The following MAP2 variants were observed in gnomAD, a reference collection of about 807,000 sequenced individuals.
The protein encoded by MAP2 is microtubule-associated protein 2.
In MAP2, 14 loss-of-function variants were observed where a neutral mutation model predicts 137.6. That is an observed-to-expected ratio of 0.10 (90% confidence interval 0.07 to 0.16). The LOEUF is 0.16. Among genes scored for constraint, MAP2 ranks in the 10% least tolerant of loss-of-function variants. The pLI is 1.00. For missense variants in MAP2, 2,088 were observed against 2,191.5 expected, an observed-to-expected ratio of 0.95 and a Z score of 0.94; for synonymous variants, 786 against 782.3, an observed-to-expected ratio of 1.00 and a Z score of -0.08.
At chr2:209,665,505 C>A (rs1168968901) in intron 5 of MAP2, among the ~76,000 whole-genome samples, 1 of 152,184 alleles carries the variant, frequency 6.6e-6, no homozygotes, top group Non-Finnish European at 1.5e-5. Flanking sequence ...AAGTAAATCT[C>A]ATTTCTGACA....
chr2:209,729,987 T>A (rs1559685914), intron 15 of MAP2, 25 bp downstream of exon 15: 1 of 1,389,788 alleles, frequency 7.2e-7, no homozygotes, highest in Non-Finnish European at 9.6e-7. Context: ...TATGAGCCAA[T>A]CTTGTCTTTT....
chr2:209,655,234 A>G (rs1317852717), intron 5 of MAP2, among the ~76,000 whole-genome samples: 3 of 152,234 alleles, frequency 2.0e-5, no homozygotes, highest in East Asian at 1.9e-4. Context: ...TATCAAACAC[A>G]TTTGGTATTA....
At chr2:209,451,732 A>G (rs993670091) in intron 1 of MAP2, among the ~76,000 whole-genome samples, 1 of 152,186 alleles carries the variant, frequency 6.6e-6, no homozygotes, top group Non-Finnish European at 1.5e-5. Flanking sequence ...TGCTGGGTGT[A>G]TGTAGGCACA....
chr2:209,620,782 C>T (rs796479394), intron 3 of MAP2, among the ~76,000 whole-genome samples: 5 of 152,166 alleles, frequency 3.3e-5, no homozygotes, highest in East Asian at 3.9e-4. Context: ...ACATGAATTG[C>T]TCAAAATCTT....
At chr2:209,583,310 A>G (rs1315943111) in intron 3 of MAP2, among the ~76,000 whole-genome samples, 2 of 152,102 alleles carry the variant, frequency 1.3e-5, no homozygotes, top group Non-Finnish European at 2.9e-5. Context: ...TTCTTCAAGG[A>G]TGAATGTCAA....
At chr2:209,625,579 G>A (rs2092157323) in intron 4 of MAP2, among the ~76,000 whole-genome samples, 1 of 152,170 alleles carries the variant, frequency 6.6e-6, no homozygotes, top group African/African-American at 2.4e-5. Flanking sequence ...GAAGCAGGTG[G>A]ATGCAGGGAT....
intron 2 of MAP2, among the ~76,000 whole-genome samples, chr2:209,563,212 A>T (rs898747484): frequency 6.6e-6 from 1 of 152,166 alleles, no homozygotes; most frequent in African/African-American, 2.4e-5. Context: ...ACCTGAATTC[A>T]TATCCAGTGG....
chr2:209,683,033 T>G lies in MAP2; in HGVS notation c.454+2206T>G, dbSNP rs1583318857. On this transcript the variant is annotated intron_variant, in intron 7 of 15. Transcript: ENST00000682079. ...GGCTTGAGGTCAAGTCATTTAATCT[T>G]CTTACTCTATATGGGATTTGGAACA... 3.9e-5 allele frequency among the ~76,000 whole-genome samples: 6 copies of G among 152,316 alleles called. No individual in the cohort carries two copies. In the South Asian group the frequency reaches 1.2e-3, roughly 32 times the overall value.
chr2:209,596,962 T>C (rs887855950), intron 3 of MAP2, among the ~76,000 whole-genome samples: 2 of 152,176 alleles, frequency 1.3e-5, no homozygotes, highest in African/African-American at 4.8e-5. Context: ...TCATGGGTAG[T>C]TGGCCATTCA....
intron 3 of MAP2, among the ~76,000 whole-genome samples, chr2:209,582,657 TGATAGATAGATAGATAGATAGATA>T (rs66881504): frequency 2.7e-4 from 40 of 149,752 alleles, no homozygotes; most frequent in Non-Finnish European, 4.6e-4. Flanking sequence ...GATAGATAGA[TGATAGATAGATAGATAGATAGATA>T]GATAGATAGA....
chr2:209,597,936 T>C (rs2081757481), intron 3 of MAP2, among the ~76,000 whole-genome samples: 1 of 152,094 alleles, frequency 6.6e-6, no homozygotes, highest in South Asian at 2.1e-4. Flanking sequence ...TCACTTATAT[T>C]TATCAGATTA....
chr2:209,510,686 G>C, intron 2 of MAP2, among the ~76,000 whole-genome samples: 1 of 152,154 alleles, frequency 6.6e-6, no homozygotes, highest in East Asian at 1.9e-4. Flanking sequence ...ATAGGAAACA[G>C]ATGCTTGTAA....
chr2:209,593,128 T>A (rs2079734573), intron 3 of MAP2, among the ~76,000 whole-genome samples: 1 of 152,090 alleles, frequency 6.6e-6, no homozygotes, highest in South Asian at 2.1e-4. Flanking sequence ...TTCTGATTGA[T>A]ACTTTTCCAT....
intron 11 of MAP2, 31 bp downstream of exon 11, chr2:209,700,369 A>T: frequency 6.5e-7 from 1 of 1,541,536 alleles, no homozygotes; most frequent in African/African-American, 1.4e-5. Flanking sequence ...CTTGTTCTTC[A>T]TTTGAAGTTC....
chr2:209,729,201 C>G (rs1463684871), intron 14 of MAP2, among the ~76,000 whole-genome samples: 2 of 152,152 alleles, frequency 1.3e-5, no homozygotes, highest in African/African-American at 4.8e-5. Context: ...ATTATCAGAT[C>G]AAGGTCAGCG....
chr2:209,688,423 G>T (rs901701063), intron 7 of MAP2, among the ~76,000 whole-genome samples: 3 of 152,034 alleles, frequency 2.0e-5, no homozygotes, highest in Non-Finnish European at 4.4e-5. Flanking sequence ...TCTTTTTAGT[G>T]CTATATTAAT....
chr2:209,442,354 G>C (rs1037090260), intron 1 of MAP2, among the ~76,000 whole-genome samples: 1 of 151,518 alleles, frequency 6.6e-6, no homozygotes, highest in Non-Finnish European at 1.5e-5. Context: ...GGGGGGTCTA[G>C]GGGCCCCCAA....
In MAP2 at chr2:209,497,018, A is replaced by C. The variant is rs576368060; in HGVS notation, c.-221-10574A>C. 4.6e-4 allele frequency among the ~76,000 whole-genome samples: 70 copies of C among 152,242 alleles called. 4 individuals carry two copies. The South Asian group carries it at 0.014, about 31-fold the overall frequency. ...TGCTGGTTTCAAACTCCTGGCCTCAAGCAGTCTTCTGCCTTGGTCTCCCAA... is the reference window on the plus strand; with the variant it reads ...TGCTGGTTTCAAACTCCTGGCCTCACGCAGTCTTCTGCCTTGGTCTCCCAA... On this transcript the variant is annotated intron_variant, in intron 1 of 15. Coordinates refer to ENST00000682079, the MANE Select transcript of MAP2 (RefSeq NM_001375505.1).
intron 13 of MAP2, among the ~76,000 whole-genome samples, chr2:209,711,829 T>C (rs1227616251): frequency 6.6e-6 from 1 of 152,134 alleles, no homozygotes; most frequent in African/African-American, 2.4e-5. Context: ...GAATAACTAT[T>C]ATGTATATTT....
Sources: gnomAD v4.1 joint callset for allele counts (sites outside exome capture counted in the v4.1 genomes callset) on GRCh38, gnomAD v4.1.1 for gene constraint, MANE v1.5 for transcripts, NCBI Gene and HGNC (gene_info 2026-07-23, HGNC 2026-07-21) for gene names.